Variants in IGSF5 observed in about 807,000 individuals in gnomAD.
IGSF5 encodes immunoglobulin superfamily 5 like.
Under a neutral mutation model 39.4 loss-of-function variants are expected in IGSF5, and 41 were observed. The observed-to-expected ratio is 1.04, with a 90% CI of 0.81 to 1.35. The LOEUF is 1.35. Among genes scored for constraint, IGSF5 ranks in the 40% most tolerant of loss-of-function variants. The probability of loss-of-function intolerance (pLI) is 0.00; values close to 1 mark genes in which losing one functional copy is unlikely to be tolerated. For missense variants in IGSF5, 487 were observed against 494.6 expected, an observed-to-expected ratio of 0.98 and a Z score of 0.15; for synonymous variants, 183 against 175.3, an observed-to-expected ratio of 1.04 and a Z score of -0.34.
chr21:39,764,183 C>G (rs140286593), intron 2 of IGSF5, among the ~76,000 whole-genome samples: 1 of 152,120 alleles, frequency 6.6e-6, no homozygotes, highest in African/African-American at 2.4e-5. Context: ...TTCCTGGTGG[C>G]GGCTTACTCC....
intron 1 of IGSF5, among the ~76,000 whole-genome samples, chr21:39,745,944 C>G (rs1182752078): frequency 6.6e-6 from 1 of 152,140 alleles, no homozygotes; most frequent in Non-Finnish European, 1.5e-5. Flanking sequence ...TCCCAGAGCT[C>G]CCAAGATGGT....
intron 2 of IGSF5, among the ~76,000 whole-genome samples, chr21:39,752,375 A>G (rs537768446): frequency 6.3e-4 from 96 of 152,262 alleles, no homozygotes; most frequent in South Asian, 1.7e-3. Flanking sequence ...GTAGTAGTCC[A>G]TGGTGTATAT....
chr21:39,744,441 A>AT (rs2079962403), upstream of IGSF5, among the ~76,000 whole-genome samples: 1 of 143,198 alleles, frequency 7.0e-6, no homozygotes, highest in Non-Finnish European at 1.5e-5. Context: ...CAGCTCGCAC[A>AT]TTTGAGGAGA....
At chr21:39,756,444 A>G (rs1476438459) in intron 2 of IGSF5, among the ~76,000 whole-genome samples, 2 of 152,174 alleles carry the variant, frequency 1.3e-5, no homozygotes, top group African/African-American at 4.8e-5. Context: ...GGCCTGTCAG[A>G]AAAGAAAGGA....
At chr21:39,763,539 A>G (rs1350921535) in intron 2 of IGSF5, among the ~76,000 whole-genome samples, 1 of 152,230 alleles carries the variant, frequency 6.6e-6, no homozygotes, top group East Asian at 1.9e-4. Flanking sequence ...GGGTACATAA[A>G]GACTGGCCTT....
intron 4 of IGSF5, among the ~76,000 whole-genome samples, chr21:39,778,227 GTGAC>G (rs1190903702): frequency 1.6e-4 from 25 of 152,168 alleles, no homozygotes; most frequent in Non-Finnish European, 1.5e-5. Context: ...TACATCTGTG[GTGAC>G]TGAGCACTTG....
chr21:39,753,293 A>G (rs948528430), intron 2 of IGSF5, among the ~76,000 whole-genome samples: 1 of 152,156 alleles, frequency 6.6e-6, no homozygotes, highest in Non-Finnish European at 1.5e-5. Context: ...GTTGAAGATC[A>G]GTTGGCTGTA....
intron 5 of IGSF5, among the ~76,000 whole-genome samples, chr21:39,782,836 C>T (rs2080178281): frequency 6.6e-6 from 1 of 152,138 alleles, no homozygotes. Flanking sequence ...TCTTATCTAG[C>T]CGTAACTTTG....
the IGSF5 span, among the ~76,000 whole-genome samples, chr21:39,721,610 G>A: frequency 6.6e-6 from 1 of 152,084 alleles, no homozygotes; most frequent in African/African-American, 2.4e-5. Flanking sequence ...ACCCTTATTA[G>A]TGTTTGATTG....
intron 3 of IGSF5, among the ~76,000 whole-genome samples, chr21:39,767,676 C>A (rs1279537202): frequency 6.6e-6 from 1 of 152,176 alleles, no homozygotes; most frequent in Admixed American, 6.5e-5. Context: ...TAGAATAAGA[C>A]ACAGTTTCTT....
At chr21:39,731,034 C>T in the IGSF5 span, among the ~76,000 whole-genome samples, 2 of 152,216 alleles carry the variant, frequency 1.3e-5, no homozygotes, top group East Asian at 3.9e-4. Flanking sequence ...ACAAGGTCTC[C>T]TGTCCCCTGG....
At chr21:39,780,079 G>A (rs2080162819) in intron 5 of IGSF5, among the ~76,000 whole-genome samples, 1 of 152,328 alleles carries the variant, frequency 6.6e-6, no homozygotes, top group South Asian at 2.1e-4. Flanking sequence ...CGATGAATAT[G>A]TGAGATGATG....
chr21:39,748,819 C>T (rs371423036), intron 2 of IGSF5, among the ~76,000 whole-genome samples: 25 of 40,174 alleles, frequency 6.2e-4, no homozygotes, highest in African/African-American at 1.9e-3. Flanking sequence ...GAAGTTCCAC[C>T]AGAAAACAGC....
At chr21:39,771,818 A>G (rs1051122028) in intron 4 of IGSF5, among the ~76,000 whole-genome samples, 1 of 152,204 alleles carries the variant, frequency 6.6e-6, no homozygotes, top group Admixed American at 6.5e-5. Flanking sequence ...GAAGGGGCCC[A>G]TAGCGCCTGT....
intron 7 of IGSF5, among the ~76,000 whole-genome samples, chr21:39,792,352 T>G (rs2146294247): frequency 6.6e-6 from 1 of 152,232 alleles, no homozygotes; most frequent in East Asian, 1.9e-4. Flanking sequence ...AACTTTGTTT[T>G]TTTCCATCAC....
chr21:39,785,812 T>C (rs1172372356), intron 5 of IGSF5, among the ~76,000 whole-genome samples: 3 of 152,152 alleles, frequency 2.0e-5, no homozygotes, highest in African/African-American at 7.2e-5. Flanking sequence ...TTATTCTCTT[T>C]GAAGCAATTG....
rs62235387 is a variant in IGSF5 at position 39,801,622 on chromosome 21, T to G, written c.*265T>G. On this transcript the variant is annotated 3_prime_UTR_variant, in exon 9 of 9. Coordinates refer to ENST00000380588, the MANE Select transcript of IGSF5 (RefSeq NM_001080444.2). ...AGTAAAAGCTGCAAATTCATCATAA[T>G]TTTTCTCAACATTCAACACTCCTAC... The G allele has an allele frequency of 0.099, 33,050 of 333,236 alleles. 1,932 individuals carry two copies. Among genetic ancestry groups the G allele is most frequent in the East Asian group, 0.18 (3,744 of 20,486 alleles). The allele number at this position is 333,236 out of a possible 1,614,324, so 20.6% of individuals were successfully genotyped here.
rs368364747 is a variant in IGSF5, at chr21:39,757,002, C to T, written c.101-8533C>T. Reference sequence around the variant, plus strand: ...TCCTTCCACCCACCCCTGTCTGCCACAGAGCCTTCTCTGCAGTTCATCAAG... The same window carrying T: ...TCCTTCCACCCACCCCTGTCTGCCATAGAGCCTTCTCTGCAGTTCATCAAG... On this transcript the variant is annotated intron_variant, in intron 2 of 8. Transcript: ENST00000380588. Among the ~76,000 whole-genome samples the T allele has an allele frequency of 2.0e-5, 3 of 152,016 alleles. No homozygotes were observed. The East Asian group carries it at 5.8e-4, about 30-fold the overall frequency.
chr21:39,739,676 G>A, the IGSF5 span, among the ~76,000 whole-genome samples: 1 of 152,164 alleles, frequency 6.6e-6, no homozygotes, highest in Non-Finnish European at 1.5e-5. Context: ...CTGGCCTGGG[G>A]TGTAGTAGGG....
Sources: gnomAD v4.1 joint callset for allele counts (sites outside exome capture counted in the v4.1 genomes callset) on GRCh38, gnomAD v4.1.1 for gene constraint, MANE v1.5 for transcripts, NCBI Gene and HGNC (gene_info 2026-07-23, HGNC 2026-07-21) for gene names.